Variants in ABLIM2 observed in about 807,000 individuals in gnomAD.
ABLIM2 encodes the protein actin binding LIM protein family member 2.
A neutral mutation model predicts 97.7 loss-of-function variants in ABLIM2; 53 were observed. That is an observed-to-expected ratio of 0.54 (90% confidence interval 0.44 to 0.68). ABLIM2 has a LOEUF of 0.68. Ranked by LOEUF, ABLIM2 falls within the 30% of genes least tolerant of loss-of-function variation. The pLI, the probability that ABLIM2 is intolerant of heterozygous loss-of-function variation, is 0.00. For synonymous variants in ABLIM2, 361 were observed against 345.8 expected (o/e 1.04, Z -0.49); for missense variants, 835 against 867.2 (o/e 0.96, Z 0.47).
intron 1 of ABLIM2, among the ~76,000 whole-genome samples, chr4:8,117,136 G>T (rs1292947747): frequency 6.6e-6 from 1 of 152,156 alleles, no homozygotes; most frequent in South Asian, 2.1e-4. Context: ...TTCAAATCCT[G>T]GCGTGACCTT....
At position 8,127,380 on chromosome 4, in the gene ABLIM2, C is replaced by T. The variant is rs115129010; in HGVS notation, c.11-20743G>A. Reference sequence around the variant, plus strand: ...CACCCACTGGCGCTCGTGGTGCCGGCGCTCATGACCTTCACGCAGGGCACA... The same window carrying T: ...CACCCACTGGCGCTCGTGGTGCCGGTGCTCATGACCTTCACGCAGGGCACA... On this transcript the variant is annotated intron_variant, in intron 1 of 20. Coordinates refer to ENST00000447017, the MANE Select transcript of ABLIM2 (RefSeq NM_001130083.2). The surrounding 1 kb of genome is among the most constrained non-coding windows in gnomAD (Gnocchi z 7.3). Among the ~76,000 whole-genome samples, 2,636 of 152,290 alleles carry T rather than the reference C, an allele frequency of 0.017. 77 individuals are homozygous for T. Among genetic ancestry groups the T allele is most frequent in the African/African-American group, 0.055 (2,272 of 41,560 alleles).
intron 14 of ABLIM2, 89 bp from the exon 15 acceptor site, chr4:8,009,191 A>C: frequency 6.6e-7 from 1 of 1,516,282 alleles, no homozygotes; most frequent in South Asian, 1.1e-5. Flanking sequence ...TTATGCTCAA[A>C]AATGAAAAAT....
intron 1 of ABLIM2, among the ~76,000 whole-genome samples, chr4:8,141,588 C>T (rs1188228618): frequency 6.6e-6 from 1 of 152,280 alleles, no homozygotes; most frequent in East Asian, 1.9e-4. Context: ...CGCTATGTTG[C>T]CTAGGCTAGT....
At chr4:8,097,679 G>T (rs537910643) in intron 2 of ABLIM2, among the ~76,000 whole-genome samples, 1 of 152,136 alleles carries the variant, frequency 6.6e-6, no homozygotes, top group South Asian at 2.1e-4. Flanking sequence ...ATCAGGAAGG[G>T]GCTAATGCCT....
chr4:7,978,702 C>T (rs1735607470), intron 20 of ABLIM2, among the ~76,000 whole-genome samples: 1 of 149,578 alleles, frequency 6.7e-6, no homozygotes, highest in Admixed American at 6.6e-5. Context: ...GAGCCACCCA[C>T]CCCACCAGTG....
intron 3 of ABLIM2, among the ~76,000 whole-genome samples, chr4:8,094,656 G>A (rs1405561555): frequency 6.6e-6 from 1 of 152,200 alleles, no homozygotes; most frequent in Non-Finnish European, 1.5e-5. Flanking sequence ...AGGGTGTGGT[G>A]CCGGGCTGTC....
At chr4:8,103,542 T>A (rs531218028) in intron 2 of ABLIM2, among the ~76,000 whole-genome samples, 17 of 152,328 alleles carry the variant, frequency 1.1e-4, no homozygotes, top group African/African-American at 4.1e-4. Context: ...GGGTATGTGG[T>A]GGATCTTGGC....
Position 8,001,926 on chromosome 4 carries a change from G to GCT in ABLIM2, c.1618+6131_1618+6132dup, listed in dbSNP as rs1178582835. ...CGCTTGTCAGCACACACATGTGCGTGCTCTCTCTCTCTTTTTCTTGCTCTC... is the reference window on the plus strand; with the variant it reads ...CGCTTGTCAGCACACACATGTGCGTGCTCTCTCTCTCTCTTTTTCTTGCTCTC... On this transcript the variant is annotated intron_variant, in intron 16 of 20. Coordinates refer to ENST00000447017, the MANE Select transcript of ABLIM2 (RefSeq NM_001130083.2). The surrounding 1 kb of genome is among the most constrained non-coding windows in gnomAD (Gnocchi z 4.2). Among the ~76,000 whole-genome samples, 8 of 152,278 alleles carry GCT rather than the reference G, an allele frequency of 5.3e-5. No homozygotes were observed. The highest frequency in any genetic ancestry group is 2.1e-4 in the South Asian group (1 of 4,826).
rs1847233736 is a variant in ABLIM2 at position 8,125,043 on chromosome 4, T to C, written c.11-18406A>G. ...TTCTTTGTAAAAATGTCGATGCAGA[T>C]GCTTTGCCCATTTTTCAGCTTGGTT... is the stretch of plus-strand genomic sequence containing the variant. On this transcript the variant is annotated intron_variant, in intron 1 of 20. Coordinates refer to ENST00000447017, the MANE Select transcript of ABLIM2 (RefSeq NM_001130083.2). This position sits in a 1 kb window ranked among gnomAD's most constrained non-coding sequence, Gnocchi z 6.2. 6.6e-6 allele frequency among the ~76,000 whole-genome samples: 1 copy of C among 152,230 alleles called. No individual in the cohort carries two copies. The highest frequency in any genetic ancestry group is 1.5e-5 in the Non-Finnish European group (1 of 68,044).
intron 18 of ABLIM2, 102 bp downstream of exon 18, chr4:7,984,737 C>T: frequency 3.0e-6 from 4 of 1,321,642 alleles, no homozygotes; most frequent in Non-Finnish European, 4.2e-6. Context: ...CTCCCGGAGC[C>T]TTCTGCAGGC....
At chr4:8,039,874 G>GTTTTTTTTTTTTT (rs397947626) in intron 9 of ABLIM2, among the ~76,000 whole-genome samples, 2 of 108,630 alleles carry the variant, frequency 1.8e-5, no homozygotes, top group African/African-American at 3.4e-5. Flanking sequence ...GCTGATTACT[G>GTTTTTTTTTTTTT]TTTTTTTTTT....
rs529569350 is a variant in ABLIM2 at position 7,970,098 on chromosome 4, T to C, written c.1825-2995A>G. Among the ~76,000 whole-genome samples the C allele has an allele frequency of 1.3e-5, 2 of 152,342 alleles. No individual in the cohort carries two copies. The highest frequency in any genetic ancestry group is 2.1e-4 in the South Asian group (1 of 4,830). On this transcript the variant is annotated intron_variant, in intron 20 of 20. Transcript: ENST00000447017. The surrounding 1 kb of genome is among the most constrained non-coding windows in gnomAD (Gnocchi z 5.3). ...AGGAAAGAAAAAGGAAAATCATTTC[T>C]AGCTTTATCCAAGACCTGGTGATAC...
In ABLIM2 at chr4:8,095,054, TTCTTTC is replaced by T. The variant is rs1830814376; in HGVS notation, c.338+2039_338+2044del. On this transcript the variant is annotated intron_variant, in intron 3 of 20. Coordinates refer to ENST00000447017, the MANE Select transcript of ABLIM2 (RefSeq NM_001130083.2). The surrounding 1 kb of genome is among the most constrained non-coding windows in gnomAD (Gnocchi z 4.7). ...CTTCTTTCCTTCCTTCCTTCTTTCT[TTCTTTC>T]TCTTTCTTTCTTTCTCTCTCTCTCT... 7.0e-6 allele frequency among the ~76,000 whole-genome samples: 1 copy of T among 143,182 alleles called. No homozygotes were observed. Among genetic ancestry groups the T allele is most frequent in the Admixed American group, 7.2e-5 (1 of 13,872 alleles). 93.9% of individuals were successfully genotyped at this position (143,182 alleles called of 152,430 possible).
At chr4:8,137,074 C>G (rs1163914621) in intron 1 of ABLIM2, among the ~76,000 whole-genome samples, 2 of 152,234 alleles carry the variant, frequency 1.3e-5, no homozygotes, top group Non-Finnish European at 2.9e-5. Context: ...AGCCCACTCT[C>G]CGTGCCTCCC....
At chr4:8,035,698 C>T (rs558027301) in intron 10 of ABLIM2, among the ~76,000 whole-genome samples, 18 of 152,314 alleles carry the variant, frequency 1.2e-4, no homozygotes, top group Admixed American at 6.5e-4. Context: ...TCAACCAGGT[C>T]GGTTACATTG....
In ABLIM2 at chr4:8,084,105, C is replaced by T. The variant is rs565785028; in HGVS notation, c.455-3303G>A. The stretch of plus-strand genomic sequence containing the variant: ...GAGTTTTGGAAACAAGGACTCTGAC[C>T]GAGCTCCAAAACTTGAGAGTGATTG... On this transcript the variant is annotated intron_variant, in intron 4 of 20. Transcript: ENST00000447017. 2.6e-5 allele frequency among the ~76,000 whole-genome samples: 4 copies of T among 152,274 alleles called. No homozygotes were observed. In the East Asian group the frequency reaches 7.7e-4, roughly 29 times the overall value.
chr4:8,020,347 G>T lies in ABLIM2; in HGVS notation c.1268-44C>A, dbSNP rs1466330923. 2.6e-6 allele frequency: 4 copies of T among 1,517,250 alleles called. No homozygotes were observed. The African/African-American group carries it at 4.1e-5, about 16-fold the overall frequency. 94.0% of individuals were successfully genotyped at this position (1,517,250 alleles called of 1,614,324 possible). On this transcript the variant is annotated intron_variant, in intron 12 of 20. Transcript: ENST00000447017. ...AGGCAGCAGATAGAAGGGGAAACGG[G>T]AAAGCAAAGTAGAATATTTCAAGCA...
In ABLIM2 at chr4:8,124,106, G is replaced by A. The variant is rs1295616247; in HGVS notation, c.11-17469C>T. Among the ~76,000 whole-genome samples, 4 of 152,182 alleles carry A rather than the reference G, an allele frequency of 2.6e-5. No individual in the cohort carries two copies. Among genetic ancestry groups the A allele is most frequent in the African/African-American group, 7.2e-5 (3 of 41,524 alleles). ...AAACCACACACTCTCACACACCTGG[G>A]ACATATGATATGACATCACAACCTA... On this transcript the variant is annotated intron_variant, in intron 1 of 20. Coordinates refer to ENST00000447017, the MANE Select transcript of ABLIM2 (RefSeq NM_001130083.2). This position sits in a 1 kb window ranked among gnomAD's most constrained non-coding sequence, Gnocchi z 6.1.
Position 8,087,811 on chromosome 4 carries a change from G to C in ABLIM2, c.454+358C>G, listed in dbSNP as rs987218549. ...GAAAGCAGGAGTGGCACATGGGGTG[G>C]AGGAAACAGCCAGTGCAAAGACTTG... On this transcript the variant is annotated intron_variant, in intron 4 of 20. Coordinates refer to ENST00000447017, the MANE Select transcript of ABLIM2 (RefSeq NM_001130083.2). This position sits in a 1 kb window ranked among gnomAD's most constrained non-coding sequence, Gnocchi z 4.6. 6.6e-6 allele frequency among the ~76,000 whole-genome samples: 1 copy of C among 152,052 alleles called. No homozygotes were observed. The highest frequency in any genetic ancestry group is 2.1e-4 in the South Asian group (1 of 4,828).
Sources: allele counts gnomAD v4.1 joint callset (sites outside exome capture counted in the v4.1 genomes callset), GRCh38; gene constraint gnomAD v4.1.1; non-coding constraint Gnocchi (gnomAD v3.1); transcripts MANE v1.5; gene names NCBI Gene and HGNC (gene_info 2026-07-23, HGNC 2026-07-21).